The following CENPK variants were observed in gnomAD, a reference collection of about 807,000 sequenced individuals.
CENPK encodes the protein SoxLZ/Sox6-binding protein Solt.
Under a neutral mutation model 40.9 loss-of-function variants are expected in CENPK, and 46 were observed. That is an observed-to-expected ratio of 1.13 (90% CI 0.89 to 1.44). CENPK has a LOEUF of 1.44. Among genes scored for constraint, CENPK ranks in the 40% most tolerant of loss-of-function variants. The probability of loss-of-function intolerance (pLI) is 0.00; values close to 1 mark genes in which losing one functional copy is unlikely to be tolerated. For synonymous variants in CENPK, 107 were observed against 104.4 expected, an observed-to-expected ratio of 1.02 and a Z score of -0.15; for missense variants, 288 against 303.5, an observed-to-expected ratio of 0.95 and a Z score of 0.38.
the CENPK span, among the ~76,000 whole-genome samples, chr5:65,499,915 G>A: frequency 2.6e-4 from 26 of 98,778 alleles, no homozygotes; most frequent in East Asian, 2.4e-4. Context: ...GAGAATATGC[G>A]GTGTTTGGTT....
chr5:65,515,331 T>C (rs983918626), downstream of CENPK, among the ~76,000 whole-genome samples: 1 of 151,534 alleles, frequency 6.6e-6, no homozygotes, highest in Non-Finnish European at 1.5e-5. Flanking sequence ...GCCTCCCAAG[T>C]AGCTGGGACT....
At chr5:65,542,363 G>C (rs891661599) in intron 6 of CENPK, among the ~76,000 whole-genome samples, 1 of 152,218 alleles carries the variant, frequency 6.6e-6, no homozygotes, top group African/African-American at 2.4e-5. Flanking sequence ...TTTAGGCCAG[G>C]TGTGGTGGCT....
At chr5:65,551,095 C>A in intron 5 of CENPK, 1 of 321,016 alleles carries the variant, frequency 3.1e-6, no homozygotes, top group Non-Finnish European at 6.1e-6. Flanking sequence ...ATACAAAAAC[C>A]AACCACTAAC....
chr5:65,514,230 C>A (rs3940661), downstream of CENPK, among the ~76,000 whole-genome samples: 15,955 of 60,660 alleles, frequency 0.26, 2,148 homozygotes, highest in Non-Finnish European at 0.31. Flanking sequence ...CTCACATAAT[C>A]TTTTTTTTTT....
At chr5:65,495,864 T>C in the CENPK span, among the ~76,000 whole-genome samples, 1 of 152,200 alleles carries the variant, frequency 6.6e-6, no homozygotes, top group Admixed American at 6.5e-5. Flanking sequence ...AAAATACTCA[T>C]TGTTGGCAAG....
At chr5:65,540,019 TG>T (rs2150435706) in intron 6 of CENPK, among the ~76,000 whole-genome samples, 1 of 152,336 alleles carries the variant, frequency 6.6e-6, no homozygotes, top group African/African-American at 2.4e-5. Context: ...TCCATTGTCT[TG>T]AACAACAGCA....
chr5:65,523,817 G>C (rs1744186080), intron 9 of CENPK, among the ~76,000 whole-genome samples: 1 of 151,942 alleles, frequency 6.6e-6, no homozygotes, highest in Admixed American at 6.6e-5. Context: ...CAAATATAAA[G>C]AACTCTCCAG....
chr5:65,499,064 T>C, the CENPK span, among the ~76,000 whole-genome samples: 1 of 151,550 alleles, frequency 6.6e-6, no homozygotes. Flanking sequence ...CTCCCTTTAT[T>C]GCCCAGGGTT....
chr5:65,525,262 G>A (rs11741071), intron 9 of CENPK, among the ~76,000 whole-genome samples: 30,080 of 152,008 alleles, frequency 0.2, 3,498 homozygotes, highest in South Asian at 0.32. Flanking sequence ...CTACTCAGGA[G>A]GCTGAGGCAG....
chr5:65,541,454 G>A (rs1484843762), intron 6 of CENPK: 2 of 456,180 alleles, frequency 4.4e-6, no homozygotes, highest in African/African-American at 2.0e-5. Flanking sequence ...AGAATTGGTT[G>A]CTGGTGAGAA....
chr5:65,560,369 G>A (rs1202560160), intron 2 of CENPK, among the ~76,000 whole-genome samples: 2 of 152,082 alleles, frequency 1.3e-5, no homozygotes, highest in Non-Finnish European at 2.9e-5. Context: ...TACTTTGGAG[G>A]AAGAGTGGAA....
At chr5:65,551,816 T>A (rs968487275) in intron 4 of CENPK, among the ~76,000 whole-genome samples, 180 bp from the exon 5 acceptor site, 2 of 152,210 alleles carry the variant, frequency 1.3e-5, no homozygotes, top group Non-Finnish European at 2.9e-5. Flanking sequence ...ACTGATCTAT[T>A]CCTACAGCAA....
chr5:65,517,516 A>C (rs1742960954), downstream of CENPK, among the ~76,000 whole-genome samples: 1 of 152,206 alleles, frequency 6.6e-6, no homozygotes, highest in Non-Finnish European at 1.5e-5. Context: ...GATTTGGTAT[A>C]CTTCAAATAT....
chr5:65,525,835 G>A (rs899046594), intron 9 of CENPK, among the ~76,000 whole-genome samples: 1 of 151,318 alleles, frequency 6.6e-6, no homozygotes, highest in African/African-American at 2.4e-5. Context: ...GTGAGCAAGT[G>A]GTCACCTACA....
chr5:65,503,254 A>G, the CENPK span, among the ~76,000 whole-genome samples: 1 of 151,674 alleles, frequency 6.6e-6, no homozygotes. Flanking sequence ...TTACAGGCAC[A>G]CACCACCATG....
intron 6 of CENPK, among the ~76,000 whole-genome samples, chr5:65,532,205 C>T (rs1580954045): frequency 6.6e-6 from 1 of 152,082 alleles, no homozygotes; most frequent in Non-Finnish European, 1.5e-5. Flanking sequence ...ATATGACTGG[C>T]TCCAGAGAAA....
chr5:65,518,976 A>C (rs1020383174), intron 10 of CENPK, among the ~76,000 whole-genome samples: 20 of 152,192 alleles, frequency 1.3e-4, no homozygotes, highest in African/African-American at 4.1e-4. Flanking sequence ...AAAAGTTAAA[A>C]AGAAAGTGAG....
At chr5:65,541,946 G>C (rs1000045031) in intron 6 of CENPK, among the ~76,000 whole-genome samples, 1 of 152,218 alleles carries the variant, frequency 6.6e-6, no homozygotes, top group Non-Finnish European at 1.5e-5. Flanking sequence ...CTGGCAGCTA[G>C]GAAGTCCAAG....
intron 5 of CENPK, among the ~76,000 whole-genome samples, chr5:65,547,671 CTTT>C (rs1030185654): frequency 1.7e-4 from 25 of 145,880 alleles, no homozygotes; most frequent in African/African-American, 6.3e-4. Context: ...TGGGGAATTT[CTTT>C]TTTTTTTTGA....
Sources: gnomAD v4.1 joint callset for allele counts (sites outside exome capture counted in the v4.1 genomes callset) on GRCh38, gnomAD v4.1.1 for gene constraint, MANE v1.5 for transcripts, NCBI Gene and HGNC (gene_info 2026-07-23, HGNC 2026-07-21) for gene names.